RUSC2: variants seen among roughly 807,000 people sequenced by gnomAD.
RUSC2 encodes AP-4 complex accessory subunit RUSC2.
A neutral mutation model predicts 122.2 loss-of-function variants in RUSC2; 34 were observed. The ratio of observed to expected loss-of-function variants is 0.28; its 90% CI spans 0.21 to 0.37. The LOEUF is 0.37. RUSC2 is among the 10% of genes least tolerant of loss of function. The pLI is 1.00. For synonymous variants in RUSC2, 784 were observed against 790.0 expected (o/e 0.99, Z 0.13); for missense variants, 1,747 against 1,952.4 (o/e 0.89, Z 1.98).
Position 35,512,061 on chromosome 9 carries a change from G to T in RUSC2, c.-93+21889G>T, listed in dbSNP as rs1258132236. 9.2e-5 allele frequency among the ~76,000 whole-genome samples: 14 copies of T among 152,190 alleles called. No homozygotes were observed. In the South Asian group the frequency reaches 2.3e-3, roughly 25 times the overall value. On this transcript the variant is annotated intron_variant, in intron 1 of 11. Transcript: ENST00000361226. Reference sequence around the variant, plus strand: ...CTGGGCGTGGTGGCTGGCGCCTGTAGTCCCAGCTACTCGGGAGGATGAGGC... The same window carrying T: ...CTGGGCGTGGTGGCTGGCGCCTGTATTCCCAGCTACTCGGGAGGATGAGGC...
intron 1 of RUSC2, among the ~76,000 whole-genome samples, chr9:35,537,877 A>G (rs1821561193): frequency 6.6e-6 from 1 of 152,156 alleles, no homozygotes; most frequent in South Asian, 2.1e-4. Context: ...CAGTGGCACA[A>G]AGTGGACGGA....
chr9:35,551,127 T>TA (rs1290772193), intron 2 of RUSC2, among the ~76,000 whole-genome samples: 1 of 151,904 alleles, frequency 6.6e-6, no homozygotes, highest in African/African-American at 2.4e-5. Context: ...GGAGAAAGTT[T>TA]AAAAAAAGTT....
At chr9:35,537,274 C>T (rs1475151248) in intron 1 of RUSC2, among the ~76,000 whole-genome samples, 1 of 152,186 alleles carries the variant, frequency 6.6e-6, no homozygotes, top group Non-Finnish European at 1.5e-5. Flanking sequence ...GCCCAGAGCT[C>T]TCATGGTAAG....
chr9:35,533,153 A>G (rs1197004294), intron 1 of RUSC2, among the ~76,000 whole-genome samples: 1 of 152,018 alleles, frequency 6.6e-6, no homozygotes. Flanking sequence ...AGGCTGAGGC[A>G]CGAGAATCGC....
chr9:35,500,543 T>C (rs1350833456), intron 1 of RUSC2, among the ~76,000 whole-genome samples: 2 of 152,232 alleles, frequency 1.3e-5, no homozygotes, highest in Non-Finnish European at 2.9e-5. Context: ...TTCACAATTT[T>C]GTGGATGGGC....
At position 35,560,513 on chromosome 9, in the gene RUSC2, C is replaced by T. The variant is rs748598581; in HGVS notation, c.3873C>T (p.Phe1291=). The T allele has an allele frequency of 2.5e-6, 4 of 1,614,196 alleles. No individual in the cohort carries two copies. In the Middle Eastern group the frequency reaches 4.9e-4, roughly 200 times the overall value. The change falls in exon 10 of 12, where the codon TTC becomes TTT. Residue 1291 remains phenylalanine (F), a synonymous_variant. Coordinates refer to ENST00000361226, the MANE Select transcript of RUSC2 (RefSeq NM_014806.5). ...YIDGSIEGSR[F]PRGSSNSSSE... is the part of the protein sequence containing the mutation. ...ATGGCTCCATTGAGGGTTCCAGGTT[C>T]CCTCGTGGTAGCAGCAACAGCAGCA...
intron 1 of RUSC2, among the ~76,000 whole-genome samples, chr9:35,544,596 G>C (rs374159671): frequency 9.9e-5 from 15 of 152,218 alleles, no homozygotes; most frequent in African/African-American, 3.6e-4. Flanking sequence ...GTGAGCCACT[G>C]TGCCCAGCCT....
intron 1 of RUSC2, among the ~76,000 whole-genome samples, chr9:35,502,936 C>T (rs1488562161): frequency 6.6e-6 from 1 of 152,168 alleles, no homozygotes; most frequent in African/African-American, 2.4e-5. Flanking sequence ...TCTCATTTCA[C>T]TGCAACCTCT....
rs887359653 is a variant in RUSC2 at position 35,548,174 on chromosome 9, G to A, written c.1653G>A (p.Arg551=). Residue 551 remains arginine (R), a synonymous_variant, in exon 2 of 12, where the codon CGG becomes CGA. Coordinates refer to ENST00000361226, the MANE Select transcript of RUSC2 (RefSeq NM_014806.5). This position sits in a 1 kb window ranked among gnomAD's most constrained non-coding sequence, Gnocchi z 4.5. ...VTSFAELAKG[R]KKTGGSGSPP... is the part of the protein sequence containing the mutation. Reference sequence around the variant, plus strand: ...CCTTTGCCGAGCTGGCCAAGGGCCGGAAGAAAACTGGAGGCTCTGGCTCGC... The same window carrying A: ...CCTTTGCCGAGCTGGCCAAGGGCCGAAAGAAAACTGGAGGCTCTGGCTCGC... 6.2e-7 allele frequency: 1 copy of A among 1,613,342 alleles called. No homozygotes were observed. The highest frequency in any genetic ancestry group is 1.3e-5 in the African/African-American group (1 of 75,066).
intron 1 of RUSC2, among the ~76,000 whole-genome samples, chr9:35,544,665 T>G (rs1821711687): frequency 6.6e-6 from 1 of 152,140 alleles, no homozygotes. Flanking sequence ...TTAGAAGTCT[T>G]TTATCAGGTA....
chr9:35,552,229 C>T (rs901590446), intron 2 of RUSC2, among the ~76,000 whole-genome samples: 4 of 152,054 alleles, frequency 2.6e-5, no homozygotes, highest in African/African-American at 4.8e-5. Flanking sequence ...GGCATGGTGG[C>T]GCACGCCTGT....
intron 1 of RUSC2, among the ~76,000 whole-genome samples, chr9:35,528,260 C>T (rs889996323): frequency 1.3e-5 from 2 of 152,082 alleles, no homozygotes. Context: ...GTGGCACATG[C>T]TTGTAGTCCC....
At chr9:35,497,308 A>C (rs1320746033) in intron 1 of RUSC2, among the ~76,000 whole-genome samples, 9 of 152,146 alleles carry the variant, frequency 5.9e-5, no homozygotes, top group African/African-American at 2.2e-4. Context: ...GCAGATCTTT[A>C]CTGTACAACC....
At position 35,518,258 on chromosome 9, in the gene RUSC2, T is replaced by TTAA. The variant is rs1441935980; in HGVS notation, c.-93+28086_-93+28087insTAA. 3.9e-5 allele frequency among the ~76,000 whole-genome samples: 6 copies of TTAA among 152,344 alleles called. No individual in the cohort carries two copies. The East Asian group carries it at 1.2e-3, about 29-fold the overall frequency. On this transcript the variant is annotated intron_variant, in intron 1 of 11. Coordinates refer to ENST00000361226, the MANE Select transcript of RUSC2 (RefSeq NM_014806.5). ...TTAAGGTATTAACATGTCGTGTCAC[T>TTAA]GATGATGACCTAGGATTGCAGGAAG...
intron 1 of RUSC2, among the ~76,000 whole-genome samples, chr9:35,520,999 A>T (rs1821203805): frequency 6.6e-6 from 1 of 152,134 alleles, no homozygotes; most frequent in Non-Finnish European, 1.5e-5. Flanking sequence ...ATACATCCTC[A>T]AAAGAAATAG....
Position 35,560,703 on chromosome 9 carries a change from G to A in RUSC2, c.4063G>A (p.Glu1355Lys), listed in dbSNP as rs1040896852. ...MGSPPDSVLA[E>K]LRRSREREGP... is the part of the protein sequence containing the mutation. ...GAGCCCCCCTGACTCTGTGCTGGCC[G>A]AGCTGAGGCGCAGTCGGGAGAGGGA... Residue 1355 changes from glutamate to lysine, a missense_variant, in exon 10 of 12, where the codon GAG (glutamate) becomes AAG (lysine). Physicochemically the swap from Glu to Lys is moderately conservative, Grantham distance 56. Coordinates refer to ENST00000361226, the MANE Select transcript of RUSC2 (RefSeq NM_014806.5). 2 of 1,556,220 alleles carry A rather than the reference G, an allele frequency of 1.3e-6. No individual in the cohort carries two copies. The highest frequency in any genetic ancestry group is 1.4e-5 in the African/African-American group (1 of 73,374).
At chr9:35,506,821 A>T (rs1820925544) in intron 1 of RUSC2, among the ~76,000 whole-genome samples, 2 of 152,320 alleles carry the variant, frequency 1.3e-5, no homozygotes, top group African/African-American at 4.8e-5. Context: ...AAATAAATAT[A>T]TAAAAATGGG....
intron 1 of RUSC2, among the ~76,000 whole-genome samples, chr9:35,493,878 A>T (rs745447017): frequency 2.0e-5 from 3 of 152,100 alleles, no homozygotes; most frequent in East Asian, 3.8e-4. Flanking sequence ...TCATCTTTTG[A>T]TGGATACTTT....
chr9:35,531,227 G>C (rs1173241080), intron 1 of RUSC2, among the ~76,000 whole-genome samples: 8 of 152,018 alleles, frequency 5.3e-5, no homozygotes, highest in Non-Finnish European at 7.4e-5. Context: ...CACCACTGCA[G>C]TCCAGCCTGG....
Sources: allele counts gnomAD v4.1 joint callset (sites outside exome capture counted in the v4.1 genomes callset), GRCh38; gene constraint gnomAD v4.1.1; non-coding constraint Gnocchi (gnomAD v3.1); transcripts MANE v1.5; gene names NCBI Gene and HGNC (gene_info 2026-07-23, HGNC 2026-07-21).